ADAMTS6: variants seen among roughly 807,000 people sequenced by gnomAD.
ADAMTS6 encodes ADAM metallopeptidase with thrombospondin type 1 motif 6, also known as A disintegrin and metalloproteinase with thrombospondin motifs 6.
In ADAMTS6, 23 loss-of-function variants were observed where a neutral mutation model predicts 144.3. The observed-to-expected ratio is 0.16, with a 90% CI of 0.11 to 0.23. The LOEUF is 0.23. Ranked by LOEUF, ADAMTS6 falls within the 10% of genes least tolerant of loss-of-function variation. ADAMTS6 has a pLI of 1.00. For synonymous variants in ADAMTS6, 444 were observed against 457.5 expected (o/e 0.97, Z 0.38); for missense variants, 999 against 1,379.6 (o/e 0.72, Z 4.37).
intron 4 of ADAMTS6, among the ~76,000 whole-genome samples, chr5:65,457,479 A>C (rs1285488440): frequency 6.6e-6 from 1 of 152,212 alleles, no homozygotes; most frequent in Non-Finnish European, 1.5e-5. Context: ...GGATTGGAGA[A>C]GTGCTTGACT....
At chr5:65,364,787 C>T (rs1750150144) in intron 7 of ADAMTS6, among the ~76,000 whole-genome samples, 1 of 151,790 alleles carries the variant, frequency 6.6e-6, no homozygotes. Context: ...AGGATGGTCT[C>T]GATCTCCTGA....
At chr5:65,160,309 CTTTTT>C (rs796848986) in intron 24 of ADAMTS6, among the ~76,000 whole-genome samples, 2 of 139,418 alleles carry the variant, frequency 1.4e-5, no homozygotes, top group African/African-American at 2.6e-5. Flanking sequence ...CTCCGACTTT[CTTTTT>C]TTTTTTTTTT....
intron 5 of ADAMTS6, 55 bp from the exon 6 acceptor site, chr5:65,452,271 T>C (rs774860640): frequency 5.9e-6 from 9 of 1,533,200 alleles, no homozygotes; most frequent in Middle Eastern, 1.7e-4. Flanking sequence ...TATAGGGTGA[T>C]AGTTTGGTTT....
rs572685099 is a variant in ADAMTS6, at chr5:65,480,291, C to T, written c.-280+1052G>A. Among the ~76,000 whole-genome samples the T allele has an allele frequency of 2.6e-3, 395 of 152,172 alleles. 2 individuals are homozygous for T. Among genetic ancestry groups the T allele is most frequent in the African/African-American group, 8.9e-3 (369 of 41,532 alleles). The stretch of plus-strand genomic sequence containing the variant: ...GCAATGGTTCAGTTTCCCTTTTTCT[C>T]TCTGCTCTGCACACCCTCACCTCCC... On this transcript the variant is annotated intron_variant, in intron 1 of 24. Coordinates refer to ENST00000381055, the MANE Select transcript of ADAMTS6 (RefSeq NM_197941.4).
intron 7 of ADAMTS6, among the ~76,000 whole-genome samples, chr5:65,369,837 T>C (rs966620775): frequency 6.6e-6 from 1 of 152,176 alleles, no homozygotes; most frequent in African/African-American, 2.4e-5. Flanking sequence ...CTGTGATTAA[T>C]TCTGCACCAA....
At chr5:65,305,957 A>C (rs767642194) in intron 9 of ADAMTS6, among the ~76,000 whole-genome samples, 17 of 152,190 alleles carry the variant, frequency 1.1e-4, no homozygotes, top group Non-Finnish European at 2.2e-4. Flanking sequence ...GGTAATTTTC[A>C]GAGATGAGGT....
intron 24 of ADAMTS6, among the ~76,000 whole-genome samples, chr5:65,159,229 C>A (rs1244798945): frequency 6.6e-6 from 1 of 152,170 alleles, no homozygotes; most frequent in Non-Finnish European, 1.5e-5. Context: ...CTTGCCTGGA[C>A]TCTTAGAAAA....
At chr5:65,274,321 T>C (rs1762285722) in intron 11 of ADAMTS6, among the ~76,000 whole-genome samples, 1 of 152,108 alleles carries the variant, frequency 6.6e-6, no homozygotes. Flanking sequence ...AGTTTATTTT[T>C]ATATATAATC....
intron 22 of ADAMTS6, among the ~76,000 whole-genome samples, chr5:65,175,261 G>GGA (rs372773284): frequency 0.082 from 12,134 of 148,366 alleles, 1,130 homozygotes; most frequent in African/African-American, 0.24. Context: ...AGGGAGTCAA[G>GGA]GAGAGAGAGA....
chr5:65,276,992 C>T lies in ADAMTS6; in HGVS notation c.1513-3545G>A, dbSNP rs145463933. On this transcript the variant is annotated intron_variant, in intron 11 of 24. Coordinates refer to ENST00000381055, the MANE Select transcript of ADAMTS6 (RefSeq NM_197941.4). ...AAATCAGCACCTGTGTGTTAGAATC[C>T]CCTTGATAATCCTAAATTTTGTTTT... Among the ~76,000 whole-genome samples, 49 of 152,152 alleles carry T rather than the reference C, an allele frequency of 3.2e-4. 3 individuals are homozygous for T. The highest frequency in any genetic ancestry group is 1.1e-3 in the African/African-American group (44 of 41,516).
At position 65,170,944 on chromosome 5, in the gene ADAMTS6, T is replaced by A. The variant is rs564341468; in HGVS notation, c.3088-171A>T. 8.6e-5 allele frequency among the ~76,000 whole-genome samples: 13 copies of A among 150,798 alleles called. 1 individual carries two copies. The highest frequency in any genetic ancestry group is 2.6e-4 in the Admixed American group (4 of 15,134). ...TGGTCTCGAACCTGACCTCAAGCAA[T>A]CCTCCTGCCTTGGCCTCCCAAAGTG... On this transcript the variant is annotated intron_variant, in intron 23 of 24. Transcript: ENST00000381055.
At chr5:65,433,397 C>T (rs570183212) in intron 7 of ADAMTS6, among the ~76,000 whole-genome samples, 6 of 152,162 alleles carry the variant, frequency 3.9e-5, no homozygotes, top group South Asian at 4.1e-4. Flanking sequence ...AACAAACAGA[C>T]GGCAAGAGCA....
intron 9 of ADAMTS6, among the ~76,000 whole-genome samples, chr5:65,307,590 T>C (rs1286409868): frequency 2.6e-5 from 4 of 152,210 alleles, no homozygotes; most frequent in African/African-American, 9.6e-5. Context: ...ACTGAAGTTA[T>C]ACAATTCACA....
chr5:65,426,539 A>G (rs930983396), intron 7 of ADAMTS6, among the ~76,000 whole-genome samples: 1 of 152,110 alleles, frequency 6.6e-6, no homozygotes, highest in African/African-American at 2.4e-5. Flanking sequence ...AGCAAAAAAA[A>G]TTGTCAAAAA....
At chr5:65,244,561 T>A (rs935773939) in intron 14 of ADAMTS6, among the ~76,000 whole-genome samples, 3 of 152,158 alleles carry the variant, frequency 2.0e-5, no homozygotes, top group Non-Finnish European at 4.4e-5. Flanking sequence ...AATAAAAAGA[T>A]TAACAATAAC....
intron 18 of ADAMTS6, among the ~76,000 whole-genome samples, chr5:65,217,266 ATT>A (rs1756999686): frequency 6.6e-6 from 1 of 152,144 alleles, no homozygotes; most frequent in African/African-American, 2.4e-5. Flanking sequence ...AGTTTAAAAC[ATT>A]TGGTTTTATA....
chr5:65,417,824 C>T (rs151174133), intron 7 of ADAMTS6, among the ~76,000 whole-genome samples: 70 of 152,266 alleles, frequency 4.6e-4, no homozygotes, highest in African/African-American at 1.4e-3. Context: ...GGATTCAATG[C>T]TATTCCTATC....
rs1229282367 is a variant in ADAMTS6 at position 65,149,349 on chromosome 5, G to A, written c.*2487C>T. On this transcript the variant is annotated 3_prime_UTR_variant, in exon 25 of 25. Transcript: ENST00000381055. ...TAGCAGCAGTATTGTGATGTGCTAT[G>A]AAATAGAATTGTTTTAACCTACTCA... The A allele has an allele frequency of 1.3e-5, 2 of 152,258 alleles. No individual in the cohort carries two copies. Among genetic ancestry groups the A allele is most frequent in the Non-Finnish European group, 2.9e-5 (2 of 68,042 alleles). The allele number at this position is 152,258 out of a possible 1,614,324, so 9.4% of individuals were successfully genotyped here. A position where few individuals can be genotyped will look rare whatever the true frequency, so the allele number is the denominator to read the frequency against.
intron 24 of ADAMTS6, among the ~76,000 whole-genome samples, chr5:65,159,354 G>C (rs1752616406): frequency 6.6e-6 from 1 of 151,982 alleles, no homozygotes; most frequent in Admixed American, 6.6e-5. Context: ...ATAACCCAAA[G>C]ATAGAGTCCT....
Sources: gnomAD v4.1 joint callset for allele counts (sites outside exome capture counted in the v4.1 genomes callset) on GRCh38, gnomAD v4.1.1 for gene constraint, MANE v1.5 for transcripts, NCBI Gene and HGNC (gene_info 2026-07-23, HGNC 2026-07-21) for gene names.